SH3PXD2B: variants seen among roughly 807,000 people sequenced by gnomAD.
SH3PXD2B encodes the protein SH3 and PX domain-containing protein 2B.
In SH3PXD2B, 37 loss-of-function variants were observed where a neutral mutation model predicts 73.1. The ratio of observed to expected loss-of-function variants is 0.51; its 90% CI spans 0.39 to 0.67. The LOEUF is 0.67. Among genes scored for constraint, SH3PXD2B ranks in the 30% least tolerant of loss-of-function variants. The pLI is 0.00. For missense variants in SH3PXD2B, 1,053 were observed against 1,197.8 expected (o/e 0.88, Z 1.78); for synonymous variants, 457 against 480.5 (o/e 0.95, Z 0.64).
intron 1 of SH3PXD2B, among the ~76,000 whole-genome samples, chr5:172,424,993 G>A (rs1032107226): frequency 1.3e-5 from 2 of 151,934 alleles, no homozygotes; most frequent in South Asian, 2.1e-4. Flanking sequence ...CCTTGTTTGC[G>A]CTCCCCGTTC....
chr5:172,338,308 A>G lies in SH3PXD2B; in HGVS notation c.*61T>C. The stretch of plus-strand genomic sequence containing the variant: ...TGGAGAATGATAAATTAAGAGGCGT[A>G]TTAAATACGTGGGTAAAGCCAGCAA... On this transcript the variant is annotated 3_prime_UTR_variant, in exon 13 of 13. Coordinates refer to ENST00000311601, the MANE Select transcript of SH3PXD2B (RefSeq NM_001017995.3). This position sits in a 1 kb window ranked among gnomAD's most constrained non-coding sequence, Gnocchi z 5.1. 3.1e-6 allele frequency: 5 copies of G among 1,612,382 alleles called. No homozygotes were observed. The highest frequency in any genetic ancestry group is 4.2e-6 in the Non-Finnish European group (5 of 1,179,992).
In SH3PXD2B at chr5:172,445,937, G is replaced by A. The variant is rs988528373; in HGVS notation, c.75+8341C>T. Among the ~76,000 whole-genome samples, 2 of 152,236 alleles carry A rather than the reference G, an allele frequency of 1.3e-5. No homozygotes were observed. Among genetic ancestry groups the A allele is most frequent in the African/African-American group, 2.4e-5 (1 of 41,470 alleles). ...ATGGCTTGTGGCGGAGCTCAGGTCC[G>A]CAGGCTTCTGCAGAGGCAGAGTCCG... On this transcript the variant is annotated intron_variant, in intron 1 of 12. Coordinates refer to ENST00000311601, the MANE Select transcript of SH3PXD2B (RefSeq NM_001017995.3). The surrounding 1 kb of genome is among the most constrained non-coding windows in gnomAD (Gnocchi z 5.2).
At chr5:172,451,640 A>G (rs978442443) in intron 1 of SH3PXD2B, among the ~76,000 whole-genome samples, 5 of 152,240 alleles carry the variant, frequency 3.3e-5, no homozygotes, top group African/African-American at 1.2e-4. Flanking sequence ...GAGGTCACAC[A>G]GCAGAAAAGT....
chr5:172,422,348 G>A (rs1213793033), intron 2 of SH3PXD2B, 68 bp downstream of exon 2: 6 of 1,379,498 alleles, frequency 4.3e-6, no homozygotes, highest in East Asian at 2.4e-5. Flanking sequence ...CTCTAAAGCT[G>A]TAGTGGAATG....
chr5:172,334,414 A>T lies in SH3PXD2B; in HGVS notation c.*3955T>A. On this transcript the variant is annotated 3_prime_UTR_variant, in exon 13 of 13. Transcript: ENST00000311601. ...CTCGATGCATGCTGCTCTACCTCTC[A>T]TCAGCCCACAGTCTGACACGAGGTC... 13 of 988,572 alleles carry T rather than the reference A, an allele frequency of 1.3e-5. No individual in the cohort carries two copies. The highest frequency in any genetic ancestry group is 1.4e-5 in the Non-Finnish European group (12 of 832,458). 61.2% of individuals were successfully genotyped at this position (988,572 alleles called of 1,614,324 possible).
At position 172,432,977 on chromosome 5, in the gene SH3PXD2B, T is replaced by A. The variant is rs1041329489; in HGVS notation, c.76-10481A>T. 2.0e-5 allele frequency among the ~76,000 whole-genome samples: 3 copies of A among 151,716 alleles called. 1 individual carries two copies. Among genetic ancestry groups the A allele is most frequent in the Non-Finnish European group, 2.9e-5 (2 of 67,944 alleles). On this transcript the variant is annotated intron_variant, in intron 1 of 12. Coordinates refer to ENST00000311601, the MANE Select transcript of SH3PXD2B (RefSeq NM_001017995.3). ...TACCATATCTAAATGTATGTGCGTTTGTGTGTCTGTACACACACACACACA... is the reference window on the plus strand; with the variant it reads ...TACCATATCTAAATGTATGTGCGTTAGTGTGTCTGTACACACACACACACA...
At chr5:172,402,055 CTT>C (rs1260164323) in intron 3 of SH3PXD2B, among the ~76,000 whole-genome samples, 1 of 152,222 alleles carries the variant, frequency 6.6e-6, no homozygotes, top group South Asian at 2.1e-4. Flanking sequence ...CCATATTTCT[CTT>C]CTTTCAAAAG....
chr5:172,403,665 C>T (rs12332261), intron 3 of SH3PXD2B, among the ~76,000 whole-genome samples: 9,529 of 152,272 alleles, frequency 0.063, 456 homozygotes, highest in African/African-American at 0.14. Flanking sequence ...GGTAGTTTTC[C>T]AGAGCTGAGT....
At chr5:172,400,714 T>C (rs1758405125) in intron 3 of SH3PXD2B, among the ~76,000 whole-genome samples, 1 of 152,226 alleles carries the variant, frequency 6.6e-6, no homozygotes, top group Non-Finnish European at 1.5e-5. Flanking sequence ...CTTCCTTACA[T>C]GCTGTTAGTA....
chr5:172,434,710 A>G (rs1055176245), intron 1 of SH3PXD2B, among the ~76,000 whole-genome samples: 67 of 152,038 alleles, frequency 4.4e-4, no homozygotes, highest in African/African-American at 1.5e-3. Flanking sequence ...CATTAATTAC[A>G]AGGGCTGGGG....
intron 8 of SH3PXD2B, chr5:172,356,849 G>A (rs1306126518): frequency 5.2e-5 from 8 of 152,636 alleles, no homozygotes; most frequent in Admixed American, 2.0e-4. Flanking sequence ...TACAGGCAAA[G>A]GTGGCACCAA....
chr5:172,350,653 C>T, intron 9 of SH3PXD2B, 64 bp from the exon 10 acceptor site: 1 of 1,495,940 alleles, frequency 6.7e-7, no homozygotes, highest in Admixed American at 2.0e-5. Flanking sequence ...AAGCCTTGCT[C>T]CTACTGGGAA....
In SH3PXD2B at chr5:172,338,629, G is replaced by T. The variant is rs1756761120; in HGVS notation, c.2476C>A (p.Pro826Thr). The change falls in exon 13 of 13, where the codon CCA becomes ACA. Residue 826 changes from proline to threonine, a missense_variant. Physicochemically the swap from Pro to Thr is conservative, Grantham distance 38. This residue lies in a region of SH3PXD2B where 587 missense variants were observed against 590.7 expected (regional missense o/e 0.99). Coordinates refer to ENST00000311601, the MANE Select transcript of SH3PXD2B (RefSeq NM_001017995.3). This position sits in a 1 kb window ranked among gnomAD's most constrained non-coding sequence, Gnocchi z 5.1. ...DDTRGKGSLG[P>T]WGTGKIGENR... ...TCTCCAATCTTGCCGGTCCCCCATG[G>T]CCCCAGGCTGCCTTTGCCTCGCGTG... The T allele has an allele frequency of 6.2e-7, 1 of 1,614,136 alleles. No homozygotes were observed. Among genetic ancestry groups the T allele is most frequent in the Non-Finnish European group, 8.5e-7 (1 of 1,180,026 alleles).
intron 1 of SH3PXD2B, among the ~76,000 whole-genome samples, chr5:172,449,071 C>T (rs892302063): frequency 6.6e-6 from 1 of 152,212 alleles, no homozygotes; most frequent in African/African-American, 2.4e-5. Context: ...ACAGTGACCC[C>T]TAGGCTTCTG....
chr5:172,415,540 A>G (rs1464315505), intron 2 of SH3PXD2B, among the ~76,000 whole-genome samples: 6 of 152,190 alleles, frequency 3.9e-5, no homozygotes, highest in Non-Finnish European at 5.9e-5. Flanking sequence ...TCTGAGCTTC[A>G]GTTTCCCCAT....
chr5:172,373,985 C>T (rs1236484505), intron 5 of SH3PXD2B, among the ~76,000 whole-genome samples, 170 bp from the exon 6 acceptor site: 2 of 152,172 alleles, frequency 1.3e-5, no homozygotes, highest in Admixed American at 1.3e-4. Flanking sequence ...AGAGAAAGAA[C>T]TTCTCTTAAT....
chr5:172,329,721 TA>T (rs1230472652), downstream of SH3PXD2B, among the ~76,000 whole-genome samples: 1 of 151,948 alleles, frequency 6.6e-6, no homozygotes, highest in South Asian at 2.1e-4. Flanking sequence ...GTATTTTTAG[TA>T]GAGACAGGGT....
intron 1 of SH3PXD2B, among the ~76,000 whole-genome samples, chr5:172,423,667 T>C (rs1308782852): frequency 6.6e-6 from 1 of 151,982 alleles, no homozygotes; most frequent in Non-Finnish European, 1.5e-5. Context: ...TGGTTTCTTT[T>C]TGGAGAGGGA....
chr5:172,391,900 C>T (rs567564100), intron 4 of SH3PXD2B, among the ~76,000 whole-genome samples: 6 of 152,254 alleles, frequency 3.9e-5, no homozygotes, highest in South Asian at 4.1e-4. Context: ...AACTCAAGGT[C>T]GTGATGAGTT....
Sources: gnomAD v4.1 joint callset for allele counts (sites outside exome capture counted in the v4.1 genomes callset) on GRCh38, gnomAD v4.1.1 for gene constraint, gnomAD v4.1.1 regional missense constraint, Gnocchi (gnomAD v3.1) non-coding constraint, MANE v1.5 for transcripts, NCBI Gene and HGNC (gene_info 2026-07-23, HGNC 2026-07-21) for gene names.